The following CDH4 variants were observed in gnomAD, a reference collection of about 807,000 sequenced individuals.
CDH4 encodes cadherin-4.
Under a neutral mutation model 86.0 loss-of-function variants are expected in CDH4, and 33 were observed. That is an observed-to-expected ratio of 0.38 (90% CI 0.29 to 0.51). The LOEUF (loss-of-function observed/expected upper bound fraction) is 0.51. CDH4 is among the 20% of genes least tolerant of loss of function. The pLI is 0.86. For synonymous variants in CDH4, 555 were observed against 549.4 expected, an observed-to-expected ratio of 1.01 and a Z score of -0.14; for missense variants, 1,114 against 1,307.4, an observed-to-expected ratio of 0.85 and a Z score of 2.28.
At chr20:61,330,662 G>C (rs2084567901) in intron 2 of CDH4, among the ~76,000 whole-genome samples, 1 of 152,216 alleles carries the variant, frequency 6.6e-6, no homozygotes, top group Non-Finnish European at 1.5e-5. Flanking sequence ...TGCTACAGCA[G>C]GATGGCCCTC....
intron 2 of CDH4, among the ~76,000 whole-genome samples, chr20:61,656,546 C>T (rs1600846239): frequency 6.6e-6 from 1 of 152,038 alleles, no homozygotes; most frequent in African/African-American, 2.4e-5. Flanking sequence ...TGTTGTGGGG[C>T]GCAGCCTCCC....
chr20:61,461,938 C>T (rs559038844), intron 2 of CDH4, among the ~76,000 whole-genome samples: 1 of 152,318 alleles, frequency 6.6e-6, no homozygotes, highest in South Asian at 2.1e-4. Context: ...CATGAAGATG[C>T]CCATTAAAGA....
At chr20:61,574,115 G>A (rs940556322) in intron 2 of CDH4, among the ~76,000 whole-genome samples, 3 of 152,240 alleles carry the variant, frequency 2.0e-5, no homozygotes, top group African/African-American at 4.8e-5. Context: ...AGCTGGCCTC[G>A]TGGCCTGGGC....
intron 6 of CDH4, among the ~76,000 whole-genome samples, chr20:61,856,175 G>T (rs962267600): frequency 3.3e-5 from 5 of 152,192 alleles, no homozygotes; most frequent in African/African-American, 1.2e-4. Context: ...AAAAACTACC[G>T]CCAGAAATTA....
chr20:61,919,881 C>CATGGTG, intron 9 of CDH4, among the ~76,000 whole-genome samples: 1 of 1,186 alleles, frequency 8.4e-4, no homozygotes, highest in South Asian at 0.028. Context: ...TGCATGGAAG[C>CATGGTG]TTGTGATTGT....
chr20:61,398,025 G>C (rs1245196303), intron 2 of CDH4, among the ~76,000 whole-genome samples: 2 of 152,256 alleles, frequency 1.3e-5, no homozygotes, highest in Non-Finnish European at 2.9e-5. Context: ...CACATGGCAA[G>C]CTTCACCTGC....
intron 2 of CDH4, among the ~76,000 whole-genome samples, chr20:61,473,231 A>C (rs995788045): frequency 3.9e-5 from 6 of 152,240 alleles, no homozygotes; most frequent in African/African-American, 1.4e-4. Context: ...ATAATTCTGA[A>C]GTGAGAAATT....
At chr20:61,728,590 C>T (rs2088142067) in intron 2 of CDH4, among the ~76,000 whole-genome samples, 1 of 152,102 alleles carries the variant, frequency 6.6e-6, no homozygotes, top group Non-Finnish European at 1.5e-5. Flanking sequence ...GATACCTGTA[C>T]CTCAGTTTCC....
chr20:61,646,577 G>T (rs183432374), intron 2 of CDH4, among the ~76,000 whole-genome samples: 1 of 152,344 alleles, frequency 6.6e-6, no homozygotes, highest in African/African-American at 2.4e-5. Flanking sequence ...TGCTGTGGGG[G>T]ATCCCTGGGG....
chr20:61,457,166 G>A (rs1048515493), intron 2 of CDH4, among the ~76,000 whole-genome samples: 2 of 152,094 alleles, frequency 1.3e-5, no homozygotes, highest in Non-Finnish European at 2.9e-5. Flanking sequence ...TCACCACGGG[G>A]GCCCTTTTGG....
intron 2 of CDH4, among the ~76,000 whole-genome samples, chr20:61,640,735 T>A (rs79304486): frequency 0.012 from 1,795 of 152,300 alleles, 28 homozygotes; most frequent in African/African-American, 0.04. Context: ...TTCCTACTGA[T>A]GGAAAATTCT....
chr20:61,773,359 C>T (rs1444187588), intron 4 of CDH4, among the ~76,000 whole-genome samples, 177 bp downstream of exon 4: 1 of 152,230 alleles, frequency 6.6e-6, no homozygotes, highest in Non-Finnish European at 1.5e-5. Context: ...GGCGGGGAAG[C>T]TGCGTCCTCC....
Position 61,501,798 on chromosome 20 carries a change from AC to A in CDH4, c.170-241764del, listed in dbSNP as rs2085703260. Among the ~76,000 whole-genome samples the A allele has an allele frequency of 1.3e-5, 2 of 152,080 alleles. No homozygotes were observed. Among genetic ancestry groups the A allele is most frequent in the Admixed American group, 1.3e-4 (2 of 15,278 alleles). ...CGGACCACCAGACGCGACTAATGAA[AC>A]TTTTCTGTTCTCTCCTTTCTAGGTA... On this transcript the variant is annotated intron_variant, in intron 2 of 15. Transcript: ENST00000614565. The surrounding 1 kb of genome is among the most constrained non-coding windows in gnomAD (Gnocchi z 4.2).
intron 2 of CDH4, among the ~76,000 whole-genome samples, chr20:61,539,040 T>A (rs2086019455): frequency 6.6e-6 from 1 of 152,056 alleles, no homozygotes; most frequent in Non-Finnish European, 1.5e-5. Context: ...TAAAGGAGGA[T>A]CCCAGGGTTT....
At chr20:61,890,060 TGATGGATGCATGGGTGGATG>T (rs1293374908) in intron 7 of CDH4, among the ~76,000 whole-genome samples, 13 of 147,244 alleles carry the variant, frequency 8.8e-5, no homozygotes, top group African/African-American at 3.1e-4. Context: ...GATGGATAGA[TGATGGATGCATGGGTGGATG>T]GATGGATGGA....
intron 2 of CDH4, among the ~76,000 whole-genome samples, chr20:61,474,952 C>T (rs2085526260): frequency 2.6e-5 from 4 of 152,148 alleles, no homozygotes; most frequent in Admixed American, 2.6e-4. Context: ...TTTTAGAAAC[C>T]TGCTTCCTAA....
chr20:61,299,056 G>A (rs906731785), intron 2 of CDH4, among the ~76,000 whole-genome samples: 5 of 152,060 alleles, frequency 3.3e-5, no homozygotes, highest in Non-Finnish European at 1.5e-5. Flanking sequence ...ACCTGTGCGC[G>A]TGATCATATC....
At chr20:61,431,566 C>A (rs1427591730) in intron 2 of CDH4, among the ~76,000 whole-genome samples, 1 of 151,954 alleles carries the variant, frequency 6.6e-6, no homozygotes, top group African/African-American at 2.4e-5. Flanking sequence ...CACCATGTTG[C>A]CCAGGCTGGT....
intron 3 of CDH4, among the ~76,000 whole-genome samples, chr20:61,767,191 A>G (rs948274802): frequency 2.1e-4 from 32 of 152,136 alleles, no homozygotes; most frequent in African/African-American, 7.2e-4. Flanking sequence ...CCCCCACATG[A>G]GCATGCAGGA....
Sources: gnomAD v4.1 joint callset for allele counts (sites outside exome capture counted in the v4.1 genomes callset) on GRCh38, gnomAD v4.1.1 for gene constraint, Gnocchi (gnomAD v3.1) non-coding constraint, MANE v1.5 for transcripts, NCBI Gene and HGNC (gene_info 2026-07-23, HGNC 2026-07-21) for gene names.